The following FBXL13 variants were observed in gnomAD, a reference collection of about 807,000 sequenced individuals.
The protein encoded by FBXL13 is F-box and leucine-rich repeat protein 13.
A neutral mutation model predicts 83.6 loss-of-function variants in FBXL13; 67 were observed. That is an observed-to-expected ratio of 0.80 (90% confidence interval 0.66 to 0.98). The LOEUF is 0.98. FBXL13 is among the 50% of genes least tolerant of loss of function. The pLI, the probability that FBXL13 is intolerant of heterozygous loss-of-function variation, is 0.00. For missense variants in FBXL13, 822 were observed against 866.5 expected (o/e 0.95, Z 0.64); for synonymous variants, 272 against 299.5 (o/e 0.91, Z 0.95).
chr7:102,944,215 T>A, intron 8 of FBXL13: 1 of 1,601,404 alleles, frequency 6.2e-7, no homozygotes, highest in South Asian at 1.1e-5. Context: ...TCCAGCCGCT[T>A]TTTTAGGGCT....
At chr7:102,910,022 G>A (rs752693512) in intron 11 of FBXL13, among the ~76,000 whole-genome samples, 4 of 152,162 alleles carry the variant, frequency 2.6e-5, no homozygotes, top group Admixed American at 6.5e-5. Flanking sequence ...GAGGCACAGC[G>A]CACTGTAGCC....
intron 6 of FBXL13, among the ~76,000 whole-genome samples, chr7:103,021,292 G>A (rs1027922559): frequency 9.8e-5 from 15 of 152,312 alleles, no homozygotes; most frequent in African/African-American, 3.6e-4. Context: ...GTAGAAAGCT[G>A]AAGCTGGATC....
intron 6 of FBXL13, chr7:102,973,307 G>T (rs573954023): frequency 3.7e-6 from 2 of 535,450 alleles, no homozygotes; most frequent in East Asian, 8.1e-5. Context: ...TACCAGCAGC[G>T]TGAGTCAGCA....
chr7:102,832,631 G>T (rs770080725), intron 18 of FBXL13, among the ~76,000 whole-genome samples: 1 of 152,154 alleles, frequency 6.6e-6, no homozygotes, highest in African/African-American at 2.4e-5. Context: ...ATTTGTATGA[G>T]AATTATGTTT....
At chr7:103,051,318 T>G (rs1796788819) in intron 2 of FBXL13, among the ~76,000 whole-genome samples, 2 of 152,228 alleles carry the variant, frequency 1.3e-5, no homozygotes, top group South Asian at 4.1e-4. Context: ...GACCTCTAAC[T>G]GGATCCAAGC....
At chr7:102,822,560 ACTTT>A in intron 18 of FBXL13, 1 of 420,546 alleles carries the variant, frequency 2.4e-6, no homozygotes, top group Non-Finnish European at 4.7e-6. Flanking sequence ...CAAAGGCCCC[ACTTT>A]CTATTACTGT....
intron 7 of FBXL13, among the ~76,000 whole-genome samples, chr7:102,964,300 A>T (rs1330790924): frequency 8.0e-6 from 1 of 124,576 alleles, no homozygotes; most frequent in African/African-American, 2.6e-5. Context: ...GACAGAGCAA[A>T]ACTCCAACTC....
At chr7:103,066,038 G>A (rs1480247550) in intron 1 of FBXL13, among the ~76,000 whole-genome samples, 1 of 152,196 alleles carries the variant, frequency 6.6e-6, no homozygotes, top group African/African-American at 2.4e-5. Context: ...GCACTGACAA[G>A]GCTTAACAAC....
chr7:102,958,567 T>TAAAA (rs1269204807), intron 8 of FBXL13, among the ~76,000 whole-genome samples: 6 of 123,622 alleles, frequency 4.9e-5, no homozygotes, highest in African/African-American at 1.8e-4. Context: ...ATAATAATAA[T>TAAAA]AAAACAGAGA....
rs554680457 is a variant in FBXL13 at position 102,858,379 on chromosome 7, T to C, written c.1636-3519A>G. On this transcript the variant is annotated intron_variant, in intron 16 of 19. Transcript: ENST00000313221. The stretch of plus-strand genomic sequence containing the variant: ...TCAGGTATTCTGCAGCACTGTGGGG[T>C]GAATATGGTTAACCATAATTTATTG... Among the ~76,000 whole-genome samples, 60 of 152,242 alleles carry C rather than the reference T, an allele frequency of 3.9e-4. 1 individual carries two copies. In the South Asian group the frequency reaches 0.012, roughly 30 times the overall value.
At chr7:102,817,438 ACTTTTTAATGGGCTT>A (rs1798163769) in intron 19 of FBXL13, among the ~76,000 whole-genome samples, 1 of 151,964 alleles carries the variant, frequency 6.6e-6, no homozygotes, top group Non-Finnish European at 1.5e-5. Context: ...GTTTTTGCCC[ACTTTTTAATGGGCTT>A]ATTTGGTTTT....
At chr7:102,995,022 G>A (rs896191808) in intron 6 of FBXL13, among the ~76,000 whole-genome samples, 5 of 152,122 alleles carry the variant, frequency 3.3e-5, no homozygotes, top group Non-Finnish European at 7.3e-5. Flanking sequence ...ATCCACAGCT[G>A]TCCCTCTTGT....
At chr7:102,908,830 T>C (rs969051450) in intron 11 of FBXL13, among the ~76,000 whole-genome samples, 1 of 152,242 alleles carries the variant, frequency 6.6e-6, no homozygotes, top group Middle Eastern at 3.2e-3. Context: ...CCACTATGAT[T>C]GCACTGGGTC....
At chr7:102,840,494 A>T (rs1802735848) in intron 17 of FBXL13, among the ~76,000 whole-genome samples, 1 of 152,198 alleles carries the variant, frequency 6.6e-6, no homozygotes. Context: ...GAAAGAGTTG[A>T]TGGGTGTCTA....
intron 2 of FBXL13, among the ~76,000 whole-genome samples, chr7:103,035,075 G>A (rs780133675): frequency 2.0e-5 from 3 of 152,122 alleles, no homozygotes; most frequent in Admixed American, 1.3e-4. Context: ...AGAAAAATAC[G>A]GCATCTTGTG....
intron 6 of FBXL13, among the ~76,000 whole-genome samples, chr7:103,010,765 C>T (rs1791523038): frequency 1.3e-5 from 2 of 152,170 alleles, no homozygotes; most frequent in Non-Finnish European, 2.9e-5. Context: ...ATCTGTGTTC[C>T]CCAGCAATCT....
At chr7:102,888,099 G>A (rs1452672666) in intron 11 of FBXL13, among the ~76,000 whole-genome samples, 1 of 152,196 alleles carries the variant, frequency 6.6e-6, no homozygotes, top group Non-Finnish European at 1.5e-5. Context: ...ATCCGTGTGT[G>A]CCTTACTTTC....
At chr7:102,867,388 A>G (rs1167462053) in intron 16 of FBXL13, among the ~76,000 whole-genome samples, 3 of 152,032 alleles carry the variant, frequency 2.0e-5, no homozygotes, top group African/African-American at 4.8e-5. Context: ...AACAAAAAAA[A>G]AGAAGAATTT....
chr7:102,924,757 T>C (rs1199653265), intron 10 of FBXL13, among the ~76,000 whole-genome samples: 1 of 149,476 alleles, frequency 6.7e-6, no homozygotes, highest in African/African-American at 2.5e-5. Flanking sequence ...TTCTCCTGCC[T>C]CAGCCTCCGA....
Sources: gnomAD v4.1 joint callset for allele counts (sites outside exome capture counted in the v4.1 genomes callset) on GRCh38, gnomAD v4.1.1 for gene constraint, MANE v1.5 for transcripts, NCBI Gene and HGNC (gene_info 2026-07-23, HGNC 2026-07-21) for gene names.